Variants in LCLAT1 observed in about 807,000 individuals in gnomAD.
The protein encoded by LCLAT1 is lysocardiolipin acyltransferase 1.
A neutral mutation model predicts 30.7 loss-of-function variants in LCLAT1; 11 were observed. The ratio of observed to expected loss-of-function variants is 0.36; its 90% CI spans 0.23 to 0.59. LCLAT1 has a LOEUF of 0.59. Among genes scored for constraint, LCLAT1 ranks in the 20% least tolerant of loss-of-function variants. The probability of loss-of-function intolerance (pLI) is 0.77; values close to 1 mark genes in which losing one functional copy is unlikely to be tolerated. For synonymous variants in LCLAT1, 155 were observed against 151.3 expected (o/e 1.02, Z -0.18); for missense variants, 402 against 458.6 (o/e 0.88, Z 1.13).
intron 5 of LCLAT1, among the ~76,000 whole-genome samples, chr2:30,630,802 G>A (rs1034452186): frequency 6.6e-6 from 1 of 152,142 alleles, no homozygotes; most frequent in African/African-American, 2.4e-5. Context: ...GAGCCAAAAT[G>A]TACTTTGAAA....
At chr2:30,533,573 A>G (rs779132594) in intron 3 of LCLAT1, among the ~76,000 whole-genome samples, 1 of 152,238 alleles carries the variant, frequency 6.6e-6, no homozygotes, top group Non-Finnish European at 1.5e-5. Flanking sequence ...CACAGCATTG[A>G]AGGATATGAA....
intron 1 of LCLAT1, among the ~76,000 whole-genome samples, chr2:30,506,853 A>C (rs1244735434): frequency 6.6e-6 from 1 of 152,192 alleles, no homozygotes; most frequent in Non-Finnish European, 1.5e-5. Flanking sequence ...GATTTAAAAG[A>C]AATTAATTAG....
chr2:30,493,196 A>T (rs1683918356), intron 1 of LCLAT1, among the ~76,000 whole-genome samples: 1 of 152,222 alleles, frequency 6.6e-6, no homozygotes, highest in African/African-American at 2.4e-5. Flanking sequence ...GTGAGCAGAG[A>T]CTTAAAGTAG....
chr2:30,637,080 T>A (rs1010321749), intron 5 of LCLAT1, among the ~76,000 whole-genome samples: 11 of 152,230 alleles, frequency 7.2e-5, no homozygotes, highest in South Asian at 2.1e-4. Flanking sequence ...TGAATCTGGC[T>A]AATTGGCATG....
intron 1 of LCLAT1, among the ~76,000 whole-genome samples, chr2:30,518,876 C>T (rs1360634839): frequency 1.3e-5 from 2 of 152,210 alleles, no homozygotes; most frequent in African/African-American, 4.8e-5. Context: ...TCTATTTGGC[C>T]AGGCATTAGC....
intron 3 of LCLAT1, among the ~76,000 whole-genome samples, chr2:30,540,959 G>A (rs985629117): frequency 1.3e-5 from 2 of 151,912 alleles, no homozygotes; most frequent in Non-Finnish European, 2.9e-5. Context: ...CACCACACCC[G>A]GCCACATTTA....
intron 5 of LCLAT1, among the ~76,000 whole-genome samples, chr2:30,601,880 G>GAT (rs939826148): frequency 2.7e-4 from 38 of 143,076 alleles, no homozygotes; most frequent in African/African-American, 8.1e-4. Flanking sequence ...TCTATCTATA[G>GAT]ATATATATAT....
chr2:30,603,633 C>T (rs749885525), intron 5 of LCLAT1, among the ~76,000 whole-genome samples: 10 of 151,916 alleles, frequency 6.6e-5, no homozygotes, highest in Non-Finnish European at 1.2e-4. Flanking sequence ...AAAGAGTAAA[C>T]TAAAAAGGGT....
intron 1 of LCLAT1, among the ~76,000 whole-genome samples, chr2:30,516,147 G>C (rs1242613382): frequency 6.6e-6 from 1 of 152,176 alleles, no homozygotes; most frequent in East Asian, 1.9e-4. Flanking sequence ...TATCGCCTGA[G>C]AGCACAGGGG....
At chr2:30,621,898 T>C (rs1432835092) in intron 5 of LCLAT1, among the ~76,000 whole-genome samples, 1 of 152,310 alleles carries the variant, frequency 6.6e-6, no homozygotes, top group Non-Finnish European at 1.5e-5. Flanking sequence ...TGAAGTTTCC[T>C]GGACGGAATC....
Position 30,536,085 on chromosome 2 carries a change from CAT to C in LCLAT1, c.364+2772_364+2773del, listed in dbSNP as rs138278653. ...GAAAGAATTTCTGAACCTGAAAACACATGTTTTCAAATAACCCAGCTAGATCA... is the reference window on the plus strand; with the variant it reads ...GAAAGAATTTCTGAACCTGAAAACACGTTTTCAAATAACCCAGCTAGATCA... On this transcript the variant is annotated intron_variant, in intron 3 of 5. Coordinates refer to ENST00000379509, the MANE Select transcript of LCLAT1 (RefSeq NM_001002257.3). 7.0e-3 allele frequency among the ~76,000 whole-genome samples: 1,061 copies of C among 152,058 alleles called. 12 individuals are homozygous for C. The highest frequency in any genetic ancestry group is 0.025 in the African/African-American group (1,018 of 41,462).
At position 30,487,791 on chromosome 2, in the gene LCLAT1, A is replaced by G. The variant is rs1324346233; in HGVS notation, c.-4-37796A>G. Among the ~76,000 whole-genome samples, 9 of 152,000 alleles carry G rather than the reference A, an allele frequency of 5.9e-5. No individual in the cohort carries two copies. The East Asian group carries it at 1.7e-3, about 29-fold the overall frequency. On this transcript the variant is annotated intron_variant, in intron 1 of 5. Coordinates refer to ENST00000379509, the MANE Select transcript of LCLAT1 (RefSeq NM_001002257.3). Reference sequence around the variant, plus strand: ...CTCTTGGGCTAAGTGCTGAACCAGGAGTTGAAGTGTGTTACCTGATGCTGG... The same window carrying G: ...CTCTTGGGCTAAGTGCTGAACCAGGGGTTGAAGTGTGTTACCTGATGCTGG...
intron 1 of LCLAT1, among the ~76,000 whole-genome samples, chr2:30,496,858 C>T (rs1019946199): frequency 6.6e-6 from 1 of 152,170 alleles, no homozygotes; most frequent in Admixed American, 6.5e-5. Context: ...AGGCAGTGCC[C>T]AGCAAACCCA....
chr2:30,623,633 C>T (rs1341288443), intron 5 of LCLAT1, among the ~76,000 whole-genome samples: 1 of 151,462 alleles, frequency 6.6e-6, no homozygotes, highest in African/African-American at 2.4e-5. Context: ...AACAACAAAA[C>T]CTAAGAAAAA....
intron 1 of LCLAT1, among the ~76,000 whole-genome samples, chr2:30,481,546 A>G (rs959810980): frequency 3.9e-5 from 6 of 152,208 alleles, no homozygotes; most frequent in African/African-American, 1.4e-4. Context: ...ACAAAAGCCA[A>G]GAGAGGCTAG....
At position 30,591,336 on chromosome 2, in the gene LCLAT1, G is replaced by A. The variant is rs532510920; in HGVS notation, c.628+23160G>A. Among the ~76,000 whole-genome samples, 3 of 152,120 alleles carry A rather than the reference G, an allele frequency of 2.0e-5. 1 individual carries two copies. Among genetic ancestry groups the A allele is most frequent in the South Asian group, 4.2e-4 (2 of 4,802 alleles). ...TGTGTAAAGAGCTTAGCTCAGTACC[G>A]AGACCACCCTAGTAGTGTTCCATAC... On this transcript the variant is annotated intron_variant, in intron 5 of 5. Coordinates refer to ENST00000379509, the MANE Select transcript of LCLAT1 (RefSeq NM_001002257.3).
Position 30,478,687 on chromosome 2 carries a change from A to G in LCLAT1, c.-5+31304A>G, listed in dbSNP as rs2120342. Among the ~76,000 whole-genome samples the G allele has an allele frequency of 3.6e-3, 473 of 132,642 alleles. 3 individuals are homozygous for G. Among genetic ancestry groups the G allele is most frequent in the African/African-American group, 0.011 (415 of 38,532 alleles). The allele number at this position is 132,642 out of a possible 152,430, so 87.0% of individuals were successfully genotyped here. A position where few individuals can be genotyped will look rare whatever the true frequency, so the allele number is the denominator to read the frequency against. On this transcript the variant is annotated intron_variant, in intron 1 of 5. Coordinates refer to ENST00000379509, the MANE Select transcript of LCLAT1 (RefSeq NM_001002257.3). ...TGTCAATAAATAAATAAATAGATAG[A>G]TAGGTAGGTAGGTAGGTAGGTAGGT...
At chr2:30,459,811 T>C in intron 1 of LCLAT1, 3 of 866,940 alleles carry the variant, frequency 3.5e-6, no homozygotes, top group East Asian at 2.4e-5. Context: ...TCATAGTTTG[T>C]TCCTGTTTAT....
intron 5 of LCLAT1, among the ~76,000 whole-genome samples, chr2:30,589,183 A>G (rs1572663869): frequency 6.6e-6 from 1 of 152,350 alleles, no homozygotes; most frequent in African/African-American, 2.4e-5. Flanking sequence ...TAGTTCTTTC[A>G]TGACAGTAAA....
Sources: allele counts gnomAD v4.1 joint callset (sites outside exome capture counted in the v4.1 genomes callset), GRCh38; gene constraint gnomAD v4.1.1; transcripts MANE v1.5; gene names NCBI Gene and HGNC (gene_info 2026-07-23, HGNC 2026-07-21).